SYNE1: variants seen among roughly 807,000 people sequenced by gnomAD.
SYNE1 encodes the protein spectrin repeat containing nuclear envelope protein 1, also known as nesprin-1.
Under a neutral mutation model 1,111.0 loss-of-function variants are expected in SYNE1, and 616 were observed. The ratio of observed to expected loss-of-function variants is 0.55; its 90% CI spans 0.52 to 0.59. SYNE1 has a LOEUF of 0.59. Among genes scored for constraint, SYNE1 ranks in the 20% least tolerant of loss-of-function variants. The probability of loss-of-function intolerance (pLI) is 0.00; values close to 1 mark genes in which losing one functional copy is unlikely to be tolerated. For synonymous variants in SYNE1, 3,855 were observed against 3,825.8 expected (o/e 1.01, Z -0.28); for missense variants, 10,006 against 10,417.0 (o/e 0.96, Z 1.72).
intron 72 of SYNE1, among the ~76,000 whole-genome samples, chr6:152,349,449 T>A (rs781270698): frequency 9.2e-5 from 14 of 152,228 alleles, no homozygotes; most frequent in Non-Finnish European, 1.9e-4. Flanking sequence ...ATAGGCTAAG[T>A]TGTCTCTCCA....
chr6:152,374,907 T>G (rs2097253676), intron 58 of SYNE1, among the ~76,000 whole-genome samples: 2 of 151,380 alleles, frequency 1.3e-5, no homozygotes, highest in South Asian at 2.1e-4. Flanking sequence ...GAATTTTACA[T>G]TTTATTTTTA....
intron 128 of SYNE1, among the ~76,000 whole-genome samples, chr6:152,184,994 A>C (rs1028881484): frequency 6.6e-6 from 1 of 152,202 alleles, no homozygotes; most frequent in African/African-American, 2.4e-5. Flanking sequence ...AACAGCTGAG[A>C]AGCACCAGCT....
chr6:152,330,317 G>C lies in SYNE1; in HGVS notation c.14368C>G (p.Leu4790Val), dbSNP rs2096215689. The change falls in exon 78 of 146, where the codon CTG becomes GTG. Residue 4790 changes from leucine (L) to valine (V), a missense_variant. Leu to Val is a conservative substitution (Grantham distance 32). Transcript: ENST00000367255. Reference sequence around the variant, plus strand: ...TTTACAGACTTCAGTTGTCTCTCCAGCTGTTGGCACATCTTCTCGTGTTCT... The same window carrying C: ...TTTACAGACTTCAGTTGTCTCTCCACCTGTTGGCACATCTTCTCGTGTTCT... ...YQEHEKMCQQ[L>V]ERQLKSVKEE... The C allele has an allele frequency of 6.2e-7, 1 of 1,614,130 alleles. No individual in the cohort carries two copies. The highest frequency in any genetic ancestry group is 8.5e-7 in the Non-Finnish European group (1 of 1,180,034).
At chr6:152,592,482 C>T (rs545521719) in intron 3 of SYNE1, among the ~76,000 whole-genome samples, 61 of 152,280 alleles carry the variant, frequency 4.0e-4, no homozygotes, top group African/African-American at 1.4e-3. Context: ...CCAAATACTG[C>T]ATGTTTTCAC....
chr6:152,431,323 A>C (rs2098426242), intron 34 of SYNE1, among the ~76,000 whole-genome samples: 1 of 152,130 alleles, frequency 6.6e-6, no homozygotes, highest in Admixed American at 6.6e-5. Flanking sequence ...AAGAATTTTC[A>C]TTTCTAACAA....
chr6:152,313,939 G>A (rs1589856136), intron 87 of SYNE1, among the ~76,000 whole-genome samples: 1 of 152,020 alleles, frequency 6.6e-6, no homozygotes, highest in East Asian at 1.9e-4. Context: ...AGAAACCTGG[G>A]AATCATCCTT....
intron 6 of SYNE1, among the ~76,000 whole-genome samples, chr6:152,514,438 T>C (rs979552106): frequency 6.6e-6 from 1 of 151,992 alleles, no homozygotes; most frequent in South Asian, 2.1e-4. Flanking sequence ...TGAGAACATA[T>C]GGACACAGGG....
chr6:152,427,146 C>T (rs957692825), intron 38 of SYNE1, among the ~76,000 whole-genome samples: 1 of 152,180 alleles, frequency 6.6e-6, no homozygotes, highest in Non-Finnish European at 1.5e-5. Flanking sequence ...AAAAAATTGG[C>T]TTCTTCAAGT....
intron 49 of SYNE1, among the ~76,000 whole-genome samples, chr6:152,397,709 A>G (rs1406814896): frequency 1.3e-5 from 2 of 152,194 alleles, no homozygotes; most frequent in African/African-American, 2.4e-5. Context: ...GCTTTTAAAA[A>G]TGATTTATTT....
chr6:152,619,442 A>G (rs1010900277), intron 3 of SYNE1, among the ~76,000 whole-genome samples: 23 of 151,378 alleles, frequency 1.5e-4, no homozygotes, highest in Non-Finnish European at 2.6e-4. Flanking sequence ...CCAGGTTTTC[A>G]TGGAGAGGAA....
At chr6:152,233,640 T>C in intron 112 of SYNE1, 141 bp downstream of exon 112, 6 of 1,074,382 alleles carry the variant, frequency 5.6e-6, no homozygotes, top group South Asian at 2.8e-5. Context: ...TCACTCTTAA[T>C]ATTAATACAA....
intron 140 of SYNE1, among the ~76,000 whole-genome samples, chr6:152,138,481 A>T (rs1489355904): frequency 6.6e-6 from 1 of 151,830 alleles, no homozygotes; most frequent in Non-Finnish European, 1.5e-5. Context: ...ACTGCACTCT[A>T]GCCTGGGTGA....
rs2099707258 is a variant in SYNE1 at position 152,637,305 on chromosome 6, A to T, written c.-508T>A. On this transcript the variant is annotated 5_prime_UTR_variant, in exon 1 of 146. Transcript: ENST00000367255. ...CTCCCGGGGGTCGAGGTGGGAAGGA[A>T]ATGTCCCTGAGAGCCGGGACGCGCT... is the stretch of plus-strand genomic sequence containing the variant. The T allele has an allele frequency of 6.6e-6, 1 of 152,306 alleles. No homozygotes were observed. Among genetic ancestry groups the T allele is most frequent in the South Asian group, 2.1e-4 (1 of 4,834 alleles). The allele number at this position is 152,306 out of a possible 1,614,324, so 9.4% of individuals were successfully genotyped here.
intron 11 of SYNE1, among the ~76,000 whole-genome samples, chr6:152,490,319 G>A: frequency 6.6e-6 from 1 of 151,894 alleles, no homozygotes; most frequent in Non-Finnish European, 1.5e-5. Flanking sequence ...GAATATCTAG[G>A]AACAACTACA....
intron 117 of SYNE1, among the ~76,000 whole-genome samples, chr6:152,224,042 G>C (rs559668770): frequency 6.6e-6 from 1 of 152,310 alleles, no homozygotes; most frequent in Non-Finnish European, 1.5e-5. Context: ...GGACACGCTG[G>C]ATAGGCCACT....
rs1400104915 is a variant in SYNE1 at position 152,269,373 on chromosome 6, A to G, written c.18574-87T>C. The G allele has an allele frequency of 8.8e-6, 14 of 1,599,664 alleles. No individual in the cohort carries two copies. In the Admixed American group the frequency reaches 1.3e-4, roughly 15 times the overall value. ...AGAGAAGGCTACTTTGGTGTGATCT[A>G]TGTAATGATACCAAAGTGGCTCCAC... On this transcript the variant is annotated intron_variant, in intron 98 of 145. Coordinates refer to ENST00000367255, the MANE Select transcript of SYNE1 (RefSeq NM_182961.4).
At chr6:152,139,923 G>A (rs377387968) in intron 140 of SYNE1, 27 bp downstream of exon 140, 24 of 1,604,772 alleles carry the variant, frequency 1.5e-5, no homozygotes, top group Middle Eastern at 2.1e-4. Flanking sequence ...CTGTTTGTCC[G>A]CCGTGGGAAA....
chr6:152,635,877 A>G (rs1036151325), intron 2 of SYNE1, among the ~76,000 whole-genome samples: 11 of 152,154 alleles, frequency 7.2e-5, no homozygotes, highest in Admixed American at 4.6e-4. Flanking sequence ...AGGGGGCAGA[A>G]CTTCCAGCAT....
At chr6:152,236,580 AC>A (rs2084114022) in intron 109 of SYNE1, among the ~76,000 whole-genome samples, 1 of 152,180 alleles carries the variant, frequency 6.6e-6, no homozygotes, top group South Asian at 2.1e-4. Flanking sequence ...AGCATAAACT[AC>A]AGAAAATGCT....
Sources: allele counts gnomAD v4.1 joint callset (sites outside exome capture counted in the v4.1 genomes callset), GRCh38; gene constraint gnomAD v4.1.1; transcripts MANE v1.5; gene names NCBI Gene and HGNC (gene_info 2026-07-23, HGNC 2026-07-21).